MARCO: variants seen among roughly 807,000 people sequenced by gnomAD.
MARCO encodes macrophage receptor MARCO.
MARCO carries 72 observed loss-of-function variants against 70.0 expected under a neutral mutation model. The observed-to-expected ratio is 1.03, with a 90% confidence interval of 0.85 to 1.25. The LOEUF (loss-of-function observed/expected upper bound fraction) is 1.25. Ranked by LOEUF, MARCO falls within the 50% of genes most tolerant of loss-of-function variation. The probability of loss-of-function intolerance (pLI) is 0.00; values close to 1 mark genes in which losing one functional copy is unlikely to be tolerated. For missense variants in MARCO, 696 were observed against 659.3 expected (o/e 1.06, Z -0.61); for synonymous variants, 273 against 243.1 (o/e 1.12, Z -1.14).
At chr2:118,990,346 G>T (rs1680597213) in intron 12 of MARCO, among the ~76,000 whole-genome samples, 1 of 152,150 alleles carries the variant, frequency 6.6e-6, no homozygotes, top group Non-Finnish European at 1.5e-5. Flanking sequence ...TGCATCTGGG[G>T]TCTGTCTAAT....
chr2:118,955,301 G>A (rs1221668772), intron 1 of MARCO, among the ~76,000 whole-genome samples: 1 of 152,066 alleles, frequency 6.6e-6, no homozygotes, highest in Admixed American at 6.5e-5. Flanking sequence ...TTAGAGATGT[G>A]AAATGCTCTG....
chr2:118,976,615 A>G (rs1249287583), intron 6 of MARCO, among the ~76,000 whole-genome samples: 1 of 152,154 alleles, frequency 6.6e-6, no homozygotes, highest in Non-Finnish European at 1.5e-5. Context: ...GGTGGGAATC[A>G]CCGTTTCTCA....
intron 1 of MARCO, among the ~76,000 whole-genome samples, chr2:118,957,775 G>A (rs184559646): frequency 6.6e-6 from 1 of 150,856 alleles, no homozygotes; most frequent in African/African-American, 2.4e-5. Flanking sequence ...TACTAGTTAT[G>A]GTGGATATCA....
At chr2:118,985,542 C>G (rs1422835044) in intron 12 of MARCO, among the ~76,000 whole-genome samples, 1 of 152,164 alleles carries the variant, frequency 6.6e-6, no homozygotes, top group Admixed American at 6.5e-5. Flanking sequence ...AGGCACCATA[C>G]CCTGCAGAAC....
intron 1 of MARCO, among the ~76,000 whole-genome samples, chr2:118,955,403 A>C (rs1240876751): frequency 6.6e-6 from 1 of 152,168 alleles, no homozygotes; most frequent in East Asian, 1.9e-4. Context: ...AACAAAGACA[A>C]AGAAAAAAGA....
intron 1 of MARCO, among the ~76,000 whole-genome samples, chr2:118,945,258 T>G (rs1679573287): frequency 6.6e-6 from 1 of 152,120 alleles, no homozygotes; most frequent in African/African-American, 2.4e-5. Flanking sequence ...TTCTACCTTT[T>G]TGAAAATTAG....
At chr2:118,976,631 A>G (rs1680289445) in intron 6 of MARCO, among the ~76,000 whole-genome samples, 1 of 152,138 alleles carries the variant, frequency 6.6e-6, no homozygotes, top group Non-Finnish European at 1.5e-5. Flanking sequence ...TCTCAATTCC[A>G]ATTTTGTCTT....
intron 1 of MARCO, among the ~76,000 whole-genome samples, chr2:118,968,708 G>C (rs1680103057): frequency 1.3e-5 from 2 of 152,178 alleles, no homozygotes. Flanking sequence ...TTCCAGATCT[G>C]CTTCTTATAA....
intron 12 of MARCO, among the ~76,000 whole-genome samples, chr2:118,983,271 G>T (rs1367024977): frequency 6.6e-6 from 1 of 152,196 alleles, no homozygotes; most frequent in South Asian, 2.1e-4. Flanking sequence ...TGCCTGAGAA[G>T]GTCACGCTTG....
intron 1 of MARCO, among the ~76,000 whole-genome samples, chr2:118,966,661 A>G (rs1316955222): frequency 6.6e-6 from 1 of 152,166 alleles, no homozygotes. Flanking sequence ...CATGCCTTCC[A>G]CCACGCTCTG....
chr2:118,975,708 AT>A (rs1558667276), intron 6 of MARCO, among the ~76,000 whole-genome samples: 1 of 152,150 alleles, frequency 6.6e-6, no homozygotes, highest in African/African-American at 2.4e-5. Flanking sequence ...TCACGCACCA[AT>A]GTAATCACAC....
At position 118,988,290 on chromosome 2, in the gene MARCO, G is replaced by C. The variant is rs545014379; in HGVS notation, c.1064-2299G>C. ...GAACAGGGGCTTCCCTATGATTCCTGTCTTTAGAGGGTGTTTGCTGCTCGG... is the reference window on the plus strand; with the variant it reads ...GAACAGGGGCTTCCCTATGATTCCTCTCTTTAGAGGGTGTTTGCTGCTCGG... On this transcript the variant is annotated intron_variant, in intron 12 of 16. Transcript: ENST00000327097. Among the ~76,000 whole-genome samples the C allele has an allele frequency of 1.1e-4, 17 of 152,188 alleles. No individual in the cohort carries two copies. The East Asian group carries it at 3.1e-3, about 28-fold the overall frequency.
intron 16 of MARCO, among the ~76,000 whole-genome samples, chr2:118,993,882 C>T (rs751062119): frequency 1.3e-5 from 2 of 152,180 alleles, no homozygotes; most frequent in Non-Finnish European, 2.9e-5. Context: ...GTTAAGTCCC[C>T]AGGCAGAACC....
rs1224275200 is a variant in MARCO, at chr2:118,942,219, G to A, written c.-82G>A. ...ACAACCAGCTGCAGTGGTTCGATGG[G>A]AAGGATCTTTCTCCAAGTGGTTCCT... is the stretch of plus-strand genomic sequence containing the variant. On this transcript the variant is annotated 5_prime_UTR_variant, in exon 1 of 17. Transcript: ENST00000327097. The A allele has an allele frequency of 1.0e-5, 9 of 868,248 alleles. No individual in the cohort carries two copies. The highest frequency in any genetic ancestry group is 2.0e-5 in the Admixed American group (1 of 50,924). The allele number at this position is 868,248 out of a possible 1,614,324, so 53.8% of individuals were successfully genotyped here. A position where few individuals can be genotyped will look rare whatever the true frequency, so the allele number is the denominator to read the frequency against.
intron 1 of MARCO, among the ~76,000 whole-genome samples, chr2:118,954,052 G>T (rs55912638): frequency 0.12 from 18,949 of 152,190 alleles, 1,328 homozygotes; most frequent in South Asian, 0.27. Context: ...TTTGAACAGG[G>T]TGAGAAGCCT....
intron 4 of MARCO, among the ~76,000 whole-genome samples, chr2:118,973,281 A>T (rs751678949): frequency 1.3e-5 from 2 of 151,484 alleles, no homozygotes; most frequent in South Asian, 4.2e-4. Context: ...ATCTCTCTCC[A>T]TGTCTCCCTC....
Position 118,977,920 on chromosome 2 carries a change from G to T in MARCO, c.751G>T (p.Asp251Tyr). Residue 251 changes from aspartate to tyrosine, a missense_variant, in exon 8 of 17, where the codon GAC (aspartate) becomes TAC (tyrosine). By Grantham distance (160) the Asp-to-Tyr change is radical. This residue lies in a region of MARCO where 605 missense variants were observed against 537.6 expected (regional missense o/e 1.13). Transcript: ENST00000327097. Reference protein sequence around the residue: ...GETGTKGEKGDLGLPGSKGDR... With the variant: ...GETGTKGEKGYLGLPGSKGDR... ...AACTGGAACTAAGGGAGAGAAAGGA[G>T]ACCTGGGTCTCCCAGGTGAGGGCCG... The T allele has an allele frequency of 6.2e-7, 1 of 1,607,098 alleles. No homozygotes were observed. Among genetic ancestry groups the T allele is most frequent in the Admixed American group, 1.7e-5 (1 of 59,312 alleles).
chr2:118,957,663 C>A (rs147200332), intron 1 of MARCO, among the ~76,000 whole-genome samples: 1 of 151,958 alleles, frequency 6.6e-6, no homozygotes, highest in Non-Finnish European at 1.5e-5. Flanking sequence ...TTCTATGAAG[C>A]CTTCATTACC....
chr2:118,992,238 C>T (rs1680636468), intron 14 of MARCO, among the ~76,000 whole-genome samples, 194 bp from the exon 15 acceptor site: 1 of 152,208 alleles, frequency 6.6e-6, no homozygotes, highest in Non-Finnish European at 1.5e-5. Flanking sequence ...CTTGCTGTAG[C>T]TCAGGCCCGT....
Sources: allele counts gnomAD v4.1 joint callset (sites outside exome capture counted in the v4.1 genomes callset), GRCh38; gene constraint gnomAD v4.1.1; regional missense constraint gnomAD v4.1.1; transcripts MANE v1.5; gene names NCBI Gene and HGNC (gene_info 2026-07-23, HGNC 2026-07-21).